Variants in CDH10 observed in about 807,000 individuals in gnomAD.
The protein encoded by CDH10 is cadherin-10.
CDH10 carries 30 observed loss-of-function variants against 73.1 expected under a neutral mutation model. The observed-to-expected ratio is 0.41, with a 90% confidence interval of 0.31 to 0.56. The LOEUF (loss-of-function observed/expected upper bound fraction) is 0.56, where lower values mean the gene tolerates loss of function less well. CDH10 is among the 20% of genes least tolerant of loss of function. The probability of loss-of-function intolerance (pLI) is 0.27; values close to 1 mark genes in which losing one functional copy is unlikely to be tolerated. For missense variants in CDH10, 815 were observed against 973.7 expected (o/e 0.84, Z 2.17); for synonymous variants, 345 against 348.2 (o/e 0.99, Z 0.10).
chr5:24,629,033 G>C (rs1417850279), intron 1 of CDH10, among the ~76,000 whole-genome samples: 1 of 151,958 alleles, frequency 6.6e-6, no homozygotes, highest in African/African-American at 2.4e-5. Context: ...ATGTCTCTTA[G>C]TTTTTCTACT....
At chr5:24,492,022 T>C (rs978671834) in intron 10 of CDH10, among the ~76,000 whole-genome samples, 195 bp from the exon 11 acceptor site, 2 of 152,200 alleles carry the variant, frequency 1.3e-5, no homozygotes, top group Non-Finnish European at 2.9e-5. Context: ...ATACTATAAA[T>C]TGTTCATTTA....
At chr5:24,625,000 G>GT (rs980219310) in intron 1 of CDH10, among the ~76,000 whole-genome samples, 2 of 152,148 alleles carry the variant, frequency 1.3e-5, no homozygotes, top group Non-Finnish European at 2.9e-5. Context: ...GGTGAAGAGT[G>GT]TAGAAGCCAA....
chr5:24,500,744 A>G (rs531438825), intron 8 of CDH10, among the ~76,000 whole-genome samples: 1 of 152,336 alleles, frequency 6.6e-6, no homozygotes, highest in African/African-American at 2.4e-5. Flanking sequence ...TGCGTTGACT[A>G]TAATCATTAC....
At chr5:24,520,207 AAAGG>A (rs1383149371) in intron 5 of CDH10, among the ~76,000 whole-genome samples, 1 of 152,332 alleles carries the variant, frequency 6.6e-6, no homozygotes, top group Non-Finnish European at 1.5e-5. Context: ...AAAATGAAAA[AAAGG>A]AAGTAAACCA....
chr5:24,569,052 T>C (rs1056566627), intron 2 of CDH10, among the ~76,000 whole-genome samples: 4 of 151,866 alleles, frequency 2.6e-5, no homozygotes, highest in African/African-American at 7.2e-5. Context: ...GGAGCTTGCA[T>C]TGAGCCGAGA....
At chr5:24,642,776 C>T (rs1006713535) in intron 1 of CDH10, among the ~76,000 whole-genome samples, 1 of 151,934 alleles carries the variant, frequency 6.6e-6, no homozygotes, top group African/African-American at 2.4e-5. Context: ...TTCTTTTTTC[C>T]CATTTCCCAG....
At chr5:24,493,009 A>C (rs1240924075) in intron 9 of CDH10, 84 bp from the exon 10 acceptor site, 6 of 662,410 alleles carry the variant, frequency 9.1e-6, no homozygotes, top group Middle Eastern at 3.5e-4. Flanking sequence ...TTTTGTCTGA[A>C]GTTGTTCAAA....
In CDH10 at chr5:24,644,905, C is replaced by T. The variant is rs1748172247; in HGVS notation, c.-435G>A. The T allele has an allele frequency of 6.6e-6, 1 of 151,422 alleles. No homozygotes were observed. The highest frequency in any genetic ancestry group is 1.5e-5 in the Non-Finnish European group (1 of 68,000). 9.4% of individuals were successfully genotyped at this position (151,422 alleles called of 1,614,324 possible). A position where few individuals can be genotyped will look rare whatever the true frequency, so the allele number is the denominator to read the frequency against. On this transcript the variant is annotated 5_prime_UTR_variant, in exon 1 of 12. Coordinates refer to ENST00000264463, the MANE Select transcript of CDH10 (RefSeq NM_006727.5). ...GGAGAGAAAGGTTCTGCTGATAGAG[C>T]TGCAGCACTCGCCATGGGAAGGTTA...
intron 5 of CDH10, among the ~76,000 whole-genome samples, chr5:24,512,047 T>TA (rs1742934454): frequency 6.6e-6 from 1 of 152,122 alleles, no homozygotes; most frequent in Admixed American, 6.5e-5. Context: ...CCAGGCCTAT[T>TA]ACCTGGTCTA....
chr5:24,577,139 G>C (rs1368262731), intron 2 of CDH10, among the ~76,000 whole-genome samples: 1 of 151,642 alleles, frequency 6.6e-6, no homozygotes, highest in Non-Finnish European at 1.5e-5. Flanking sequence ...GATACATGAT[G>C]GCTAAATGCA....
intron 1 of CDH10, among the ~76,000 whole-genome samples, chr5:24,614,188 A>G (rs1230154100): frequency 6.6e-6 from 1 of 152,166 alleles, no homozygotes; most frequent in African/African-American, 2.4e-5. Flanking sequence ...ATTACTCTCT[A>G]TTGATAGGAA....
chr5:24,629,178 C>G (rs1291152715), intron 1 of CDH10, among the ~76,000 whole-genome samples: 5 of 151,938 alleles, frequency 3.3e-5, no homozygotes, highest in African/African-American at 1.2e-4. Flanking sequence ...CTACCATAAG[C>G]CTACTTTAAG....
intron 2 of CDH10, among the ~76,000 whole-genome samples, chr5:24,568,014 A>G (rs1745224958): frequency 6.6e-6 from 1 of 152,162 alleles, no homozygotes; most frequent in Admixed American, 6.5e-5. Context: ...GCAAGAAATT[A>G]AATGATTTTC....
At chr5:24,610,492 G>A (rs1176480582) in intron 1 of CDH10, among the ~76,000 whole-genome samples, 1 of 151,884 alleles carries the variant, frequency 6.6e-6, no homozygotes, top group Admixed American at 6.6e-5. Context: ...TTATAAATAT[G>A]AATGTTTGGC....
chr5:24,488,795 C>A (rs548937651), intron 11 of CDH10, among the ~76,000 whole-genome samples: 1 of 135,332 alleles, frequency 7.4e-6, no homozygotes, highest in Non-Finnish European at 1.5e-5. Flanking sequence ...CATGAGACCC[C>A]CCCCCCAAAA....
At chr5:24,504,503 A>C (rs1319985143) in intron 8 of CDH10, among the ~76,000 whole-genome samples, 1 of 47,854 alleles carries the variant, frequency 2.1e-5, no homozygotes, top group Non-Finnish European at 5.0e-5. Flanking sequence ...TTCTCCTATT[A>C]ATCTTTTTTT....
At chr5:24,508,818 C>G (rs926354344) in intron 7 of CDH10, among the ~76,000 whole-genome samples, 1 of 152,142 alleles carries the variant, frequency 6.6e-6, no homozygotes, top group Non-Finnish European at 1.5e-5. Flanking sequence ...CACATCCAGC[C>G]TACTTTATAA....
chr5:24,617,289 T>G (rs1481841266), intron 1 of CDH10, among the ~76,000 whole-genome samples: 1 of 152,060 alleles, frequency 6.6e-6, no homozygotes, highest in Non-Finnish European at 1.5e-5. Flanking sequence ...TACTGCCAAA[T>G]ACTATCTGGA....
chr5:24,517,672 G>A (rs1485280256), intron 5 of CDH10, among the ~76,000 whole-genome samples: 3 of 152,134 alleles, frequency 2.0e-5, no homozygotes, highest in Non-Finnish European at 2.9e-5. Flanking sequence ...AAAGATAGTT[G>A]AATGAAGGTA....
Sources: allele counts gnomAD v4.1 joint callset (sites outside exome capture counted in the v4.1 genomes callset), GRCh38; gene constraint gnomAD v4.1.1; transcripts MANE v1.5; gene names NCBI Gene and HGNC (gene_info 2026-07-23, HGNC 2026-07-21).